STRBP: variants seen among roughly 807,000 people sequenced by gnomAD.
STRBP encodes spermatid perinuclear RNA binding protein.
Under a neutral mutation model 80.1 loss-of-function variants are expected in STRBP, and 13 were observed. The ratio of observed to expected loss-of-function variants is 0.16; its 90% CI spans 0.11 to 0.26. STRBP has a LOEUF of 0.26. Ranked by LOEUF, STRBP falls within the 10% of genes least tolerant of loss-of-function variation. STRBP has a pLI of 1.00. For synonymous variants in STRBP, 284 were observed against 291.2 expected (o/e 0.98, Z 0.25); for missense variants, 485 against 815.2 (o/e 0.59, Z 4.93).
chr9:123,173,309 A>C (rs926333382), intron 5 of STRBP, among the ~76,000 whole-genome samples: 2 of 152,242 alleles, frequency 1.3e-5, no homozygotes, highest in African/African-American at 4.8e-5. Context: ...AAAGTCTCTT[A>C]GTCGCTAGAA....
rs992106659 is a variant in STRBP, at chr9:123,136,831, T to A, written c.1498-316A>T. ...CGTGATCTAAGAATAATACTCTAAA[T>A]TACTAATAACGAGAATAGAACAGTT... On this transcript the variant is annotated intron_variant, in intron 14 of 18. Coordinates refer to ENST00000348403, the MANE Select transcript of STRBP (RefSeq NM_018387.5). The surrounding 1 kb of genome is among the most constrained non-coding windows in gnomAD (Gnocchi z 4.2). 3.3e-5 allele frequency among the ~76,000 whole-genome samples: 5 copies of A among 152,190 alleles called. No homozygotes were observed. Among genetic ancestry groups the A allele is most frequent in the Admixed American group, 3.3e-4 (5 of 15,286 alleles).
intron 14 of STRBP, among the ~76,000 whole-genome samples, chr9:123,137,946 G>A (rs988247346): frequency 6.6e-6 from 1 of 152,110 alleles, no homozygotes; most frequent in African/African-American, 2.4e-5. Flanking sequence ...AAAAGATAAT[G>A]AGTGATTTTT....
chr9:123,228,848 G>A (rs974313174), intron 2 of STRBP, among the ~76,000 whole-genome samples: 2 of 152,158 alleles, frequency 1.3e-5, no homozygotes, highest in Non-Finnish European at 2.9e-5. Flanking sequence ...ATGTAGCCAA[G>A]ATAATTGAAA....
chr9:123,160,938 C>G, intron 7 of STRBP, 39 bp downstream of exon 7: 1 of 1,535,008 alleles, frequency 6.5e-7, no homozygotes, highest in South Asian at 1.2e-5. Context: ...GAAACTTGGA[C>G]AAACTTTAAT....
intron 11 of STRBP, among the ~76,000 whole-genome samples, chr9:123,154,169 G>A (rs776066608): frequency 5.3e-5 from 8 of 152,100 alleles, no homozygotes; most frequent in Non-Finnish European, 1.0e-4. Context: ...ATGGCAACAC[G>A]GTAAGTGGTT....
At position 123,169,889 on chromosome 9, in the gene STRBP, T is replaced by TATAC; in HGVS notation, c.535+9_535+12dup. 1 of 1,402,892 alleles carries TATAC rather than the reference T, an allele frequency of 7.1e-7. No individual in the cohort carries two copies. Among genetic ancestry groups the TATAC allele is most frequent in the Non-Finnish European group, 9.4e-7 (1 of 1,061,382 alleles). The allele number at this position is 1,402,892 out of a possible 1,614,324, so 86.9% of individuals were successfully genotyped here. A position where few individuals can be genotyped will look rare whatever the true frequency, so the allele number is the denominator to read the frequency against. ...AAATATATACATATATATATATATA[T>TATAC]ATACATGTGTACCTCCATCCTTCTT... is the stretch of plus-strand genomic sequence containing the variant. On this transcript the variant is annotated intron_variant, in intron 6 of 18. Transcript: ENST00000348403.
intron 6 of STRBP, among the ~76,000 whole-genome samples, chr9:123,165,915 C>T (rs1402121689): frequency 6.6e-6 from 1 of 152,154 alleles, no homozygotes; most frequent in Non-Finnish European, 1.5e-5. Context: ...AATATCTTAA[C>T]AGAGATTAAT....
rs766893918 is a variant in STRBP at position 123,136,374 on chromosome 9, T to C, written c.1632+7A>G. 1.2e-6 allele frequency: 2 copies of C among 1,613,920 alleles called. No homozygotes were observed. The highest frequency in any genetic ancestry group is 1.1e-5 in the South Asian group (1 of 91,062). On this transcript the variant is annotated splice_region_variant and intron_variant, in intron 15 of 18. Coordinates refer to ENST00000348403, the MANE Select transcript of STRBP (RefSeq NM_018387.5). The surrounding 1 kb of genome is among the most constrained non-coding windows in gnomAD (Gnocchi z 4.2). ...AAGATAAGGCTGGCTTGTGTCTGGGTACACACCTCCATTACAAAGCGCTTG... is the reference window on the plus strand; with the variant it reads ...AAGATAAGGCTGGCTTGTGTCTGGGCACACACCTCCATTACAAAGCGCTTG...
Position 123,115,133 on chromosome 9 carries a change from G to A in STRBP, c.*84+796C>T. 6.7e-6 allele frequency: 3 copies of A among 450,244 alleles called. No individual in the cohort carries two copies. Among genetic ancestry groups the A allele is most frequent in the South Asian group, 3.3e-5 (2 of 61,334 alleles). The allele number at this position is 450,244 out of a possible 1,614,324, so 27.9% of individuals were successfully genotyped here. A position where few individuals can be genotyped will look rare whatever the true frequency, so the allele number is the denominator to read the frequency against. On this transcript the variant is annotated intron_variant and NMD_transcript_variant, in intron 3 of 3. Coordinates refer to the STRBP transcript ENST00000471564. The surrounding 1 kb of genome is among the most constrained non-coding windows in gnomAD (Gnocchi z 5.0). ...TGACTGCAGACTGTGTGTCCCACCTGCCACTTGACTCTGCTCATCCTCTCG... is the reference window on the plus strand; with the variant it reads ...TGACTGCAGACTGTGTGTCCCACCTACCACTTGACTCTGCTCATCCTCTCG...
At chr9:123,206,586 C>G (rs1299347647) in intron 2 of STRBP, among the ~76,000 whole-genome samples, 1 of 152,050 alleles carries the variant, frequency 6.6e-6, no homozygotes, top group Admixed American at 6.6e-5. Flanking sequence ...GGGGTTCTTG[C>G]TACTTGTTTA....
intron 2 of STRBP, among the ~76,000 whole-genome samples, chr9:123,208,912 C>T (rs576646427): frequency 1.4e-4 from 21 of 152,224 alleles, no homozygotes; most frequent in African/African-American, 5.1e-4. Flanking sequence ...TTCCCTTCCC[C>T]GAACACTTTA....
At chr9:123,153,521 G>A (rs1464152619) in intron 11 of STRBP, among the ~76,000 whole-genome samples, 2 of 152,138 alleles carry the variant, frequency 1.3e-5, no homozygotes, top group African/African-American at 4.8e-5. Context: ...AGGATTTGCT[G>A]ACGTTTGGGA....
At chr9:123,152,330 T>C (rs951958279) in intron 11 of STRBP, among the ~76,000 whole-genome samples, 8 of 152,112 alleles carry the variant, frequency 5.3e-5, no homozygotes, top group Non-Finnish European at 7.4e-5. Context: ...CACAGGAGAA[T>C]TGGTGACAAA....
chr9:123,147,979 AC>A, intron 11 of STRBP, 109 bp from the exon 12 acceptor site: 1 of 935,688 alleles, frequency 1.1e-6, no homozygotes, highest in Non-Finnish European at 1.5e-6. Context: ...CACACCAAGG[AC>A]CATACAACTT....
chr9:123,135,800 C>A, intron 16 of STRBP: 1 of 318,798 alleles, frequency 3.1e-6, no homozygotes, highest in East Asian at 5.9e-5. Flanking sequence ...TGCTAATAGC[C>A]TCATATATAC....
At chr9:123,148,666 C>T (rs1490515470) in intron 11 of STRBP, among the ~76,000 whole-genome samples, 3 of 152,184 alleles carry the variant, frequency 2.0e-5, no homozygotes, top group African/African-American at 7.2e-5. Flanking sequence ...ATAAAATATT[C>T]TTCTGCCTCT....
intron 2 of STRBP, among the ~76,000 whole-genome samples, chr9:123,188,550 G>A (rs571940237): frequency 6.6e-5 from 10 of 152,266 alleles, no homozygotes; most frequent in African/African-American, 2.4e-4. Flanking sequence ...GCTGAGGCAG[G>A]AGAATGGCGT....
At chr9:123,149,300 G>T (rs2036955248) in intron 11 of STRBP, among the ~76,000 whole-genome samples, 2 of 152,168 alleles carry the variant, frequency 1.3e-5, no homozygotes, top group South Asian at 4.1e-4. Context: ...GGCAACGTTG[G>T]CTGAGTATTA....
At chr9:123,147,576 G>C (rs570110355) in intron 12 of STRBP, among the ~76,000 whole-genome samples, 114 of 151,376 alleles carry the variant, frequency 7.5e-4, no homozygotes, top group Middle Eastern at 3.4e-3. Context: ...ATTTGAGAAG[G>C]CTGAGGTTGA....
Sources: allele counts gnomAD v4.1 joint callset (sites outside exome capture counted in the v4.1 genomes callset), GRCh38; gene constraint gnomAD v4.1.1; non-coding constraint Gnocchi (gnomAD v3.1); transcripts MANE v1.5; gene names NCBI Gene and HGNC (gene_info 2026-07-23, HGNC 2026-07-21).